RARB: variants seen among roughly 807,000 people sequenced by gnomAD.
RARB encodes the protein retinoic acid receptor beta.
In RARB, 17 loss-of-function variants were observed where a neutral mutation model predicts 51.9. The ratio of observed to expected loss-of-function variants is 0.33; its 90% CI spans 0.22 to 0.49. The LOEUF is 0.49. Ranked by LOEUF, RARB falls within the 20% of genes least tolerant of loss-of-function variation. RARB has a pLI of 0.99. For synonymous variants in RARB, 215 were observed against 195.4 expected (o/e 1.10, Z -0.84); for missense variants, 369 against 550.8 (o/e 0.67, Z 3.30).
chr3:25,590,338 G>A (rs770986740), intron 5 of RARB, among the ~76,000 whole-genome samples: 12 of 152,168 alleles, frequency 7.9e-5, no homozygotes, highest in Non-Finnish European at 1.3e-4. Flanking sequence ...CTAAATCCTG[G>A]TCTTTTGTTC....
intron 2 of RARB, among the ~76,000 whole-genome samples, chr3:24,974,267 C>A (rs567639006): frequency 6.6e-6 from 1 of 152,040 alleles, no homozygotes; most frequent in South Asian, 2.1e-4. Context: ...ATTATTCTTG[C>A]ATCCCTGGGA....
At chr3:24,934,707 A>G (rs2125395912) in intron 2 of RARB, among the ~76,000 whole-genome samples, 1 of 152,294 alleles carries the variant, frequency 6.6e-6, no homozygotes, top group Admixed American at 6.5e-5. Flanking sequence ...ATGTCTAAGA[A>G]GAAAATGCTT....
intron 2 of RARB, among the ~76,000 whole-genome samples, chr3:24,895,634 G>A (rs554648301): frequency 9.5e-5 from 14 of 147,460 alleles, no homozygotes; most frequent in African/African-American, 3.1e-4. Context: ...TTTTCCTTGA[G>A]AAGGAGTCTC....
rs1409122056 is a variant in RARB at position 24,830,290 on chromosome 3, A to C, written c.-459+887A>C. Among the ~76,000 whole-genome samples the C allele has an allele frequency of 2.4e-5, 3 of 126,574 alleles. No individual in the cohort carries two copies. The East Asian group carries it at 8.2e-4, about 35-fold the overall frequency. The allele number at this position is 126,574 out of a possible 152,430, so 83.0% of individuals were successfully genotyped here. A position where few individuals can be genotyped will look rare whatever the true frequency, so the allele number is the denominator to read the frequency against. On this transcript the variant is annotated intron_variant, in intron 1 of 11. Coordinates refer to the RARB transcript ENST00000383772. The stretch of plus-strand genomic sequence containing the variant: ...CCAGTGTGCACTTTTCTCCCTCCAG[A>C]TATTTTGAAAAAGGTGTGCACGCCG...
intron 2 of RARB, among the ~76,000 whole-genome samples, chr3:25,500,248 A>G (rs967490043): frequency 1.1e-4 from 16 of 152,122 alleles, no homozygotes; most frequent in African/African-American, 3.1e-4. Flanking sequence ...CATGTGACTA[A>G]TAGCTACCAT....
At chr3:24,980,072 T>C (rs907967732) in intron 2 of RARB, among the ~76,000 whole-genome samples, 3 of 152,182 alleles carry the variant, frequency 2.0e-5, no homozygotes, top group East Asian at 3.9e-4. Context: ...AAAATTCTTT[T>C]CTTTAAGAAT....
At chr3:25,111,583 G>GGT (rs1699601183) in intron 3 of RARB, among the ~76,000 whole-genome samples, 2 of 120,866 alleles carry the variant, frequency 1.7e-5, no homozygotes, top group African/African-American at 6.2e-5. Flanking sequence ...TCTAACAGTG[G>GGT]TTTTTTTTTT....
intron 5 of RARB, among the ~76,000 whole-genome samples, chr3:25,390,313 G>T (rs1247407201): frequency 6.6e-6 from 1 of 152,146 alleles, no homozygotes; most frequent in African/African-American, 2.4e-5. Flanking sequence ...CAGGAAGCTT[G>T]TGGACCTTTT....
intron 2 of RARB, among the ~76,000 whole-genome samples, chr3:24,963,895 A>C (rs1233236357): frequency 2.0e-5 from 3 of 152,192 alleles, no homozygotes. Flanking sequence ...TGGTAGAAAA[A>C]AAAACTTTAC....
At chr3:25,505,448 T>A (rs1169731773) in intron 3 of RARB, among the ~76,000 whole-genome samples, 1 of 152,164 alleles carries the variant, frequency 6.6e-6, no homozygotes, top group African/African-American at 2.4e-5. Flanking sequence ...CAAATTTAAT[T>A]TTTATAGATC....
At chr3:24,971,385 G>T (rs1696394644) in intron 2 of RARB, among the ~76,000 whole-genome samples, 1 of 151,994 alleles carries the variant, frequency 6.6e-6, no homozygotes, top group African/African-American at 2.4e-5. Context: ...TGTATGTAGT[G>T]TTTTGAATAA....
intron 3 of RARB, among the ~76,000 whole-genome samples, chr3:25,129,968 C>T (rs1236863347): frequency 6.6e-6 from 1 of 152,006 alleles, no homozygotes; most frequent in African/African-American, 2.4e-5. Context: ...CTGCTTCAAT[C>T]CTCATAATCA....
At chr3:25,081,701 TG>T (rs904318567) in intron 3 of RARB, among the ~76,000 whole-genome samples, 3 of 134,248 alleles carry the variant, frequency 2.2e-5, no homozygotes, top group African/African-American at 8.3e-5. Context: ...GGCTCAATCT[TG>T]GCTCACTGCA....
chr3:25,195,615 T>A (rs1402168416), intron 5 of RARB, among the ~76,000 whole-genome samples: 1 of 152,036 alleles, frequency 6.6e-6, no homozygotes, highest in Non-Finnish European at 1.5e-5. Context: ...AGTTTAAAAT[T>A]CTTGTTACAG....
intron 5 of RARB, among the ~76,000 whole-genome samples, chr3:25,259,640 G>C (rs1354226921): frequency 6.6e-6 from 1 of 152,096 alleles, no homozygotes; most frequent in South Asian, 2.1e-4. Flanking sequence ...ATGAAGTTTC[G>C]GGTTTATCCG....
At chr3:25,209,870 G>A (rs533041370) in intron 5 of RARB, among the ~76,000 whole-genome samples, 2 of 152,154 alleles carry the variant, frequency 1.3e-5, no homozygotes, top group South Asian at 2.1e-4. Context: ...TGATGTGACC[G>A]AAACTACTGC....
At chr3:24,859,881 G>A (rs1702714017) in intron 2 of RARB, among the ~76,000 whole-genome samples, 1 of 152,126 alleles carries the variant, frequency 6.6e-6, no homozygotes, top group African/African-American at 2.4e-5. Flanking sequence ...TGTAGACACT[G>A]AAATTTAAAT....
intron 2 of RARB, among the ~76,000 whole-genome samples, chr3:25,038,482 C>T (rs1056237728): frequency 3.3e-5 from 5 of 152,160 alleles, no homozygotes; most frequent in African/African-American, 9.7e-5. Flanking sequence ...GACTGACCCC[C>T]ACACATTGTT....
At chr3:24,980,890 A>G (rs1696649867) in intron 2 of RARB, among the ~76,000 whole-genome samples, 1 of 152,136 alleles carries the variant, frequency 6.6e-6, no homozygotes, top group Non-Finnish European at 1.5e-5. Flanking sequence ...GTTTCTCCCC[A>G]TCTTAATAGA....
Sources: allele counts gnomAD v4.1 joint callset (sites outside exome capture counted in the v4.1 genomes callset), GRCh38; gene constraint gnomAD v4.1.1; transcripts MANE v1.5; gene names NCBI Gene and HGNC (gene_info 2026-07-23, HGNC 2026-07-21).